The following CYP4A22 variants were observed in gnomAD, a reference collection of about 807,000 sequenced individuals.
CYP4A22 encodes the protein cytochrome P450 4A22.
In CYP4A22, 46 loss-of-function variants were observed where a neutral mutation model predicts 56.2. The ratio of observed to expected loss-of-function variants is 0.82; its 90% CI spans 0.65 to 1.05. CYP4A22 has a LOEUF of 1.05. CYP4A22 is among the 50% of genes least tolerant of loss of function. The probability of loss-of-function intolerance (pLI) is 0.00; values close to 1 mark genes in which losing one functional copy is unlikely to be tolerated. For synonymous variants in CYP4A22, 193 were observed against 251.1 expected (o/e 0.77, Z 2.19); for missense variants, 541 against 645.9 (o/e 0.84, Z 1.76).
At chr1:47,140,706 T>C (rs1644997509) in intron 1 of CYP4A22, 74 bp from the exon 2 acceptor site, 4 of 1,583,804 alleles carry the variant, frequency 2.5e-6, no homozygotes, top group Non-Finnish European at 3.4e-6. Context: ...GCTCCTGTAG[T>C]TGTCCTGCCC....
At chr1:47,137,736 C>A (rs1201981428) in intron 1 of CYP4A22, 56 bp downstream of exon 1, 1 of 1,543,666 alleles carries the variant, frequency 6.5e-7, no homozygotes, top group Non-Finnish European at 8.7e-7. Context: ...GGCTCTGAGA[C>A]CCTGGTCACA....
chr1:47,148,751 G>A lies in CYP4A22; in HGVS notation c.1514G>A (p.Arg505His), dbSNP rs375990198. The A allele has an allele frequency of 5.5e-5, 88 of 1,613,566 alleles. No individual in the cohort carries two copies. Among genetic ancestry groups the A allele is most frequent in the East Asian group, 4.7e-4 (21 of 44,858 alleles). ...AAATCCAAAAATGGAATCCACCTGC[G>A]TCTCAGGAGGCTCCCTAACCCTTGT... The part of the protein sequence containing the change: ...VLKSKNGIHL[R>H]LRRLPNPCED... Residue 505 changes from arginine (R) to histidine (H), a missense_variant, in exon 12 of 12, where the codon CGT (arginine) becomes CAT (histidine). Physicochemically the swap from Arg to His is conservative, Grantham distance 29 (BLOSUM62 0). This residue lies in a region of CYP4A22 where 204 missense variants were observed against 258.9 expected (regional missense o/e 0.79). Coordinates refer to ENST00000371891, the MANE Select transcript of CYP4A22 (RefSeq NM_001010969.4).
In CYP4A22 at chr1:47,138,812, G is replaced by A. The variant is rs369943045; in HGVS notation, c.195+1132G>A. On this transcript the variant is annotated intron_variant, in intron 1 of 11. Coordinates refer to ENST00000371891, the MANE Select transcript of CYP4A22 (RefSeq NM_001010969.4). ...TGAGGAGGGACACAGCCCATCCCCT[G>A]TGCACTGCTATCCCTGCATGGGGAG... Among the ~76,000 whole-genome samples, 20 of 152,350 alleles carry A rather than the reference G, an allele frequency of 1.3e-4. No individual in the cohort carries two copies. The East Asian group carries it at 1.5e-3, about 12-fold the overall frequency.
chr1:47,148,143 A>G (rs530666554), intron 11 of CYP4A22, among the ~76,000 whole-genome samples: 3 of 152,292 alleles, frequency 2.0e-5, no homozygotes, highest in Non-Finnish European at 2.9e-5. Flanking sequence ...GGGACCCCCT[A>G]TGAGGATTCA....
At chr1:47,140,954 C>G (rs774627124) in intron 2 of CYP4A22, 33 bp downstream of exon 2, 33 of 1,611,398 alleles carry the variant, frequency 2.0e-5, no homozygotes, top group Middle Eastern at 1.8e-4. Context: ...ACTGCAATTT[C>G]TCTTCCCTCT....
rs554345540 is a variant in CYP4A22, at chr1:47,143,901, G to C, written c.775G>C (p.Ala259Pro). Reference sequence around the variant, plus strand: ...CTGGACACACCGCGCCTGCCAGCTGGCCCATCAGCACACAGGTTCTGTCTC... The same window carrying C: ...CTGGACACACCGCGCCTGCCAGCTGCCCCATCAGCACACAGGTTCTGTCTC... ...GRWTHRACQL[A>P]HQHTDQVIQL... Residue 259 changes from alanine to proline, a missense_variant, in exon 6 of 12, where the codon GCC becomes CCC. Around this residue, in one of 3 missense-constraint regions of CYP4A22, gnomAD observed 335 missense variants for 361.2 expected, o/e 0.93. Coordinates refer to ENST00000371891, the MANE Select transcript of CYP4A22 (RefSeq NM_001010969.4). 1.2e-6 allele frequency: 2 copies of C among 1,611,822 alleles called. No individual in the cohort carries two copies. The highest frequency in any genetic ancestry group is 2.2e-5 in the East Asian group (1 of 44,866).
At chr1:47,137,810 C>A in intron 1 of CYP4A22, 130 bp downstream of exon 1, 2 of 1,399,350 alleles carry the variant, frequency 1.4e-6, no homozygotes, top group Non-Finnish European at 1.9e-6. Context: ...ACCCAGCCTA[C>A]CTCTCTGGTT....
At chr1:47,137,792 A>G (rs999229912) in intron 1 of CYP4A22, 112 bp downstream of exon 1, 43 of 1,436,192 alleles carry the variant, frequency 3.0e-5, no homozygotes, top group Non-Finnish European at 3.8e-5. Context: ...GTGAGGCCTC[A>G]TAGGAACACC....
In CYP4A22 at chr1:47,140,792, C is replaced by G; in HGVS notation, c.208C>G (p.Gln70Glu). The change falls in exon 2 of 12, where the codon CAG becomes GAG. Residue 70 changes from glutamine to glutamate, a missense_variant. Coordinates refer to ENST00000371891, the MANE Select transcript of CYP4A22 (RefSeq NM_001010969.4). Reference protein sequence around the residue: ...FGHIQEFQHDQELQRIQERVK... With the variant: ...FGHIQEFQHDEELQRIQERVK... ...CCCTCGTTGACAGTTCCAACACGACCAGGAGCTACAACGGATTCAGGAACG... is the reference window on the plus strand; with the variant it reads ...CCCTCGTTGACAGTTCCAACACGACGAGGAGCTACAACGGATTCAGGAACG... 6.2e-7 allele frequency: 1 copy of G among 1,614,128 alleles called. No homozygotes were observed. Among genetic ancestry groups the G allele is most frequent in the Non-Finnish European group, 8.5e-7 (1 of 1,180,004 alleles).
At chr1:47,146,309 T>A in intron 11 of CYP4A22, 156 bp downstream of exon 11, 1 of 1,536,580 alleles carries the variant, frequency 6.5e-7, no homozygotes, top group Non-Finnish European at 8.8e-7. Flanking sequence ...TGTGGGCGTC[T>A]CTGTGTACAA....
At chr1:47,143,120 G>A in intron 4 of CYP4A22, 149 bp from the exon 5 acceptor site, 3 of 1,449,664 alleles carry the variant, frequency 2.1e-6, no homozygotes, top group East Asian at 2.4e-5. Flanking sequence ...TTTCTACAAT[G>A]CATCTGCTCT....
At chr1:47,145,530 C>T (rs1158734261) in intron 9 of CYP4A22, among the ~76,000 whole-genome samples, 1 of 152,166 alleles carries the variant, frequency 6.6e-6, no homozygotes, top group Non-Finnish European at 1.5e-5. Context: ...GAATGTCTTC[C>T]TTGGAGCATT....
chr1:47,137,731 T>G, intron 1 of CYP4A22, 51 bp downstream of exon 1: 1 of 1,551,236 alleles, frequency 6.4e-7, no homozygotes, highest in Non-Finnish European at 8.7e-7. Flanking sequence ...GATGCGGCTC[T>G]GAGACCCTGG....
At chr1:47,146,459 T>C in intron 11 of CYP4A22, 1 of 1,209,826 alleles carries the variant, frequency 8.3e-7, no homozygotes, top group Non-Finnish European at 1.0e-6. Flanking sequence ...ATATGAATTC[T>C]CAAAATTAGA....
rs765755173 is a variant in CYP4A22 at position 47,140,805 on chromosome 1, G to A, written c.221G>A (p.Arg74Gln). The A allele has an allele frequency of 1.3e-5, 21 of 1,614,024 alleles. No individual in the cohort carries two copies. In the South Asian group the frequency reaches 1.4e-4, roughly 11 times the overall value. The change falls in exon 2 of 12, where the codon CGG becomes CAG. Residue 74 changes from arginine to glutamine, a missense_variant. Arg to Gln is a conservative substitution (Grantham distance 43). This residue lies in a region of CYP4A22 where 335 missense variants were observed against 361.2 expected (regional missense o/e 0.93). Transcript: ENST00000371891. The part of the protein sequence containing the change: ...QEFQHDQELQ[R>Q]IQERVKTFPS... Reference sequence around the variant, plus strand: ...TTCCAACACGACCAGGAGCTACAACGGATTCAGGAACGGGTGAAGACATTC... The same window carrying A: ...TTCCAACACGACCAGGAGCTACAACAGATTCAGGAACGGGTGAAGACATTC...
Position 47,143,255 on chromosome 1 carries a change from C to G in CYP4A22, c.511-14C>G. 6 of 1,599,114 alleles carry G rather than the reference C, an allele frequency of 3.8e-6. No individual in the cohort carries two copies. The highest frequency in any genetic ancestry group is 4.3e-6 in the Non-Finnish European group (5 of 1,172,584). On this transcript the variant is annotated splice_polypyrimidine_tract_variant and intron_variant, in intron 4 of 11. Transcript: ENST00000371891. ...CTTGGAGATTAAGAAGGTCCATGCC[C>G]CCTCCCACCACAGGACAAATGGGAA...
chr1:47,143,671 A>G, intron 5 of CYP4A22, 91 bp from the exon 6 acceptor site: 1 of 1,496,242 alleles, frequency 6.7e-7, no homozygotes, highest in Non-Finnish European at 9.0e-7. Context: ...GCTTGTCCCC[A>G]TTATCCGAGG....
Position 47,143,341 on chromosome 1 carries a change from G to A in CYP4A22, c.583G>A (p.Asp195Asn), listed in dbSNP as rs774514132. 4.6e-5 allele frequency: 74 copies of A among 1,613,908 alleles called. No individual in the cohort carries two copies. Among genetic ancestry groups the A allele is most frequent in the Non-Finnish European group, 6.2e-5 (73 of 1,179,846 alleles). The change falls in exon 5 of 12, where the codon GAC becomes AAC. Residue 195 changes from aspartate (D) to asparagine (N), a missense_variant. Around this residue, in one of 3 missense-constraint regions of CYP4A22, gnomAD observed 335 missense variants for 361.2 expected, o/e 0.93. Transcript: ENST00000371891. ...VFQHVSLMTL[D>N]TIMKSAFSHQ... ...TCAGCACGTCTCCTTGATGACCCTG[G>A]ACACCATCATGAAGAGTGCCTTCAG...
At chr1:47,141,006 G>A in intron 2 of CYP4A22, 85 bp downstream of exon 2, 1 of 1,564,176 alleles carries the variant, frequency 6.4e-7, no homozygotes, top group South Asian at 1.2e-5. Flanking sequence ...GAAGAGAGTG[G>A]CTGTTCAAAC....
Sources: allele counts gnomAD v4.1 joint callset (sites outside exome capture counted in the v4.1 genomes callset), GRCh38; gene constraint gnomAD v4.1.1; regional missense constraint gnomAD v4.1.1; transcripts MANE v1.5; gene names NCBI Gene and HGNC (gene_info 2026-07-23, HGNC 2026-07-21).